Variants in EML6 observed in about 807,000 individuals in gnomAD.
EML6 encodes the protein EMAP like 6.
In EML6, 154 loss-of-function variants were observed where a neutral mutation model predicts 240.1. The ratio of observed to expected loss-of-function variants is 0.64; its 90% CI spans 0.56 to 0.73. The LOEUF (loss-of-function observed/expected upper bound fraction) is 0.73, where lower values mean the gene tolerates loss of function less well. EML6 is among the 30% of genes least tolerant of loss of function. The pLI is 0.00. For synonymous variants in EML6, 1,148 were observed against 899.0 expected, an observed-to-expected ratio of 1.28 and a Z score of -4.95; for missense variants, 2,964 against 2,474.6, an observed-to-expected ratio of 1.20 and a Z score of -4.20.
At chr2:54,790,724 CTTTTTTTTTT>C (rs368684488) in intron 2 of EML6, among the ~76,000 whole-genome samples, 2 of 123,278 alleles carry the variant, frequency 1.6e-5, no homozygotes, top group East Asian at 4.7e-4. Flanking sequence ...CTTAATTTTC[CTTTTTTTTTT>C]TTTTTTTTTG....
Position 54,846,107 on chromosome 2 carries a change from G to A in EML6, c.1050-1379G>A, listed in dbSNP as rs574118512. Among the ~76,000 whole-genome samples, 20 of 152,242 alleles carry A rather than the reference G, an allele frequency of 1.3e-4. No individual in the cohort carries two copies. In the East Asian group the frequency reaches 3.9e-3, roughly 29 times the overall value. ...TTTGAGCTGCAATTGCCCCTCGTTT[G>A]CCACTTCTCCAGCAGTGACTGTGCT... On this transcript the variant is annotated intron_variant, in intron 8 of 41. Coordinates refer to ENST00000356458, the MANE Select transcript of EML6 (RefSeq NM_001039753.4).
intron 24 of EML6, among the ~76,000 whole-genome samples, chr2:54,907,900 TTAGATAGATAGATAGA>T (rs200763117): frequency 0.01 from 1,408 of 136,274 alleles, 16 homozygotes; most frequent in East Asian, 0.015. Context: ...ATTAGATAGA[TTAGATAGATAGATAGA>T]TAGATAGATA....
chr2:54,807,004 A>C (rs1225700226), intron 2 of EML6, among the ~76,000 whole-genome samples: 1 of 152,192 alleles, frequency 6.6e-6, no homozygotes, highest in Non-Finnish European at 1.5e-5. Flanking sequence ...AAACTTATAC[A>C]CTTTACTGAC....
intron 2 of EML6, among the ~76,000 whole-genome samples, chr2:54,737,894 C>T (rs546559196): frequency 1.0e-3 from 152 of 152,286 alleles, no homozygotes; most frequent in South Asian, 4.4e-3. Context: ...TCCACTCCAG[C>T]CACACTGGCC....
chr2:54,929,010 C>T lies in EML6; in HGVS notation c.4004+259C>T, dbSNP rs1040215723. Among the ~76,000 whole-genome samples the T allele has an allele frequency of 5.8e-5, 8 of 136,788 alleles. No individual in the cohort carries two copies. The South Asian group carries it at 1.9e-3, about 33-fold the overall frequency. The allele number at this position is 136,788 out of a possible 152,430, so 89.7% of individuals were successfully genotyped here. ...ATAGACATGAAATTTAGTTGGACTA[C>T]ACTTCTCCATGCCCAGAAAAAAATG... On this transcript the variant is annotated intron_variant, in intron 28 of 41. Coordinates refer to ENST00000356458, the MANE Select transcript of EML6 (RefSeq NM_001039753.4).
At chr2:54,960,005 C>T (rs1369633060) in intron 34 of EML6, among the ~76,000 whole-genome samples, 1 of 152,142 alleles carries the variant, frequency 6.6e-6, no homozygotes, top group Non-Finnish European at 1.5e-5. Flanking sequence ...CATTTGAAGG[C>T]ATTTTAGGAA....
chr2:54,906,055 G>A (rs779863230), intron 24 of EML6, among the ~76,000 whole-genome samples: 5 of 152,148 alleles, frequency 3.3e-5, no homozygotes, highest in Non-Finnish European at 5.9e-5. Flanking sequence ...GGGTGTAATT[G>A]CTGAATCATA....
chr2:54,927,979 G>A (rs2104386820), intron 26 of EML6, among the ~76,000 whole-genome samples: 1 of 152,324 alleles, frequency 6.6e-6, no homozygotes, highest in East Asian at 1.9e-4. Context: ...ACAGTCAGGA[G>A]TTTACACTAG....
rs542141840 is a variant in EML6 at position 54,887,260 on chromosome 2, A to T, written c.2439-3794A>T. On this transcript the variant is annotated intron_variant, in intron 17 of 41. Transcript: ENST00000356458. ...GCATCAGCTGACAACCTTGGGCTAAATTGGTTACTTAGTTCAGGGTTCAAA... is the reference window on the plus strand; with the variant it reads ...GCATCAGCTGACAACCTTGGGCTAATTTGGTTACTTAGTTCAGGGTTCAAA... Among the ~76,000 whole-genome samples, 4 of 152,318 alleles carry T rather than the reference A, an allele frequency of 2.6e-5. No homozygotes were observed. The South Asian group carries it at 8.3e-4, about 32-fold the overall frequency.
intron 19 of EML6, among the ~76,000 whole-genome samples, chr2:54,893,052 G>A (rs185804140): frequency 2.0e-5 from 3 of 152,236 alleles, no homozygotes; most frequent in East Asian, 3.9e-4. Context: ...TGTTCCAGAC[G>A]TCCATTTGCT....
At chr2:54,881,952 A>C (rs1030330866) in intron 17 of EML6, 2 of 152,270 alleles carry the variant, frequency 1.3e-5, no homozygotes, top group Non-Finnish European at 2.9e-5. Flanking sequence ...GAGGAGGAGC[A>C]TGGTTGGTAG....
At chr2:54,888,371 C>G (rs1483692817) in intron 17 of EML6, among the ~76,000 whole-genome samples, 1 of 152,152 alleles carries the variant, frequency 6.6e-6, no homozygotes, top group Non-Finnish European at 1.5e-5. Context: ...AACTTGCAAC[C>G]TGGGTTACAT....
rs547656791 is a variant in EML6 at position 54,757,539 on chromosome 2, T to C, written c.197+32281T>C. 3.9e-5 allele frequency among the ~76,000 whole-genome samples: 6 copies of C among 152,266 alleles called. No homozygotes were observed. The East Asian group carries it at 1.2e-3, about 29-fold the overall frequency. The stretch of plus-strand genomic sequence containing the variant: ...AGGAGTAAAATGGAGAGAGGTTTTA[T>C]GGTTCACAAGGCCGCCGACTCACTT... On this transcript the variant is annotated intron_variant, in intron 2 of 41. Coordinates refer to ENST00000356458, the MANE Select transcript of EML6 (RefSeq NM_001039753.4).
intron 2 of EML6, among the ~76,000 whole-genome samples, chr2:54,789,306 G>T (rs1363704411): frequency 6.6e-6 from 1 of 151,936 alleles, no homozygotes; most frequent in Admixed American, 6.6e-5. Flanking sequence ...GAGGTCAGGA[G>T]ATCGAGACCA....
In EML6 at chr2:54,964,126, A is replaced by C. The variant is rs764407530; in HGVS notation, c.5298A>C (p.Lys1766Asn). ...LVNSLKVWGK[K>N]RDRKSAIQDI... is the part of the protein sequence containing the mutation. ...ACAGCCTGAAAGTTTGGGGGAAAAA[A>C]CGAGACCGGAAATCTGCTATCCAAG... is the stretch of plus-strand genomic sequence containing the variant. Residue 1766 changes from lysine to asparagine, a missense_variant, in exon 37 of 42, where the codon AAA (lysine) becomes AAC (asparagine). Physicochemically the swap from Lys to Asn is moderately conservative, Grantham distance 94. Coordinates refer to ENST00000356458, the MANE Select transcript of EML6 (RefSeq NM_001039753.4). 5.8e-6 allele frequency: 9 copies of C among 1,551,692 alleles called. No homozygotes were observed. Among genetic ancestry groups the C allele is most frequent in the Non-Finnish European group, 7.0e-6 (8 of 1,146,986 alleles).
intron 2 of EML6, among the ~76,000 whole-genome samples, chr2:54,773,156 G>A (rs1172766294): frequency 6.6e-6 from 1 of 152,236 alleles, no homozygotes; most frequent in Non-Finnish European, 1.5e-5. Flanking sequence ...CCAGCTAGAG[G>A]CTGTGGCTCT....
chr2:54,725,624 G>T lies in EML6; in HGVS notation c.197+366G>T, dbSNP rs931117487. On this transcript the variant is annotated intron_variant, in intron 2 of 41. Transcript: ENST00000356458. The surrounding 1 kb of genome is among the most constrained non-coding windows in gnomAD (Gnocchi z 4.3). ...TGCACGGTAGGACCAATAACCTGAA[G>T]TGTGGGCATCATCTTTGGGAGGCTC... Among the ~76,000 whole-genome samples the T allele has an allele frequency of 6.6e-6, 1 of 152,184 alleles. No individual in the cohort carries two copies. Among genetic ancestry groups the T allele is most frequent in the African/African-American group, 2.4e-5 (1 of 41,442 alleles).
intron 2 of EML6, among the ~76,000 whole-genome samples, chr2:54,809,748 A>C (rs1050740496): frequency 6.6e-6 from 1 of 152,190 alleles, no homozygotes; most frequent in Non-Finnish European, 1.5e-5. Flanking sequence ...GATACCTTCT[A>C]TTCTCTTGCA....
intron 28 of EML6, among the ~76,000 whole-genome samples, chr2:54,931,981 T>G (rs1215550680): frequency 6.6e-6 from 1 of 152,238 alleles, no homozygotes; most frequent in Non-Finnish European, 1.5e-5. Context: ...TATTTGTGGA[T>G]TGTTTCTAAT....
Sources: gnomAD v4.1 joint callset for allele counts (sites outside exome capture counted in the v4.1 genomes callset) on GRCh38, gnomAD v4.1.1 for gene constraint, Gnocchi (gnomAD v3.1) non-coding constraint, MANE v1.5 for transcripts, NCBI Gene and HGNC (gene_info 2026-07-23, HGNC 2026-07-21) for gene names.